Variants in GRB10 observed in about 807,000 individuals in gnomAD.
GRB10 encodes growth factor receptor bound protein 10, also known as growth factor receptor-bound protein 10.
GRB10 carries 20 observed loss-of-function variants against 80.9 expected under a neutral mutation model. The observed-to-expected ratio is 0.25, with a 90% CI of 0.17 to 0.36. The LOEUF (loss-of-function observed/expected upper bound fraction) is 0.36, where lower values mean the gene tolerates loss of function less well. Among genes scored for constraint, GRB10 ranks in the 10% least tolerant of loss-of-function variants. GRB10 has a pLI of 1.00. For missense variants in GRB10, 548 were observed against 747.7 expected, an observed-to-expected ratio of 0.73 and a Z score of 3.12; for synonymous variants, 291 against 291.5, an observed-to-expected ratio of 1.00 and a Z score of 0.02.
At chr7:50,775,176 A>AAAAAAAAC (rs2077480711) in intron 2 of GRB10, among the ~76,000 whole-genome samples, 1 of 148,708 alleles carries the variant, frequency 6.7e-6, no homozygotes, top group African/African-American at 2.5e-5. Context: ...AAAAAAAACA[A>AAAAAAAAC]AAAAAAACAG....
At chr7:50,688,795 G>C (rs774571605) in intron 5 of GRB10, among the ~76,000 whole-genome samples, 5 of 152,060 alleles carry the variant, frequency 3.3e-5, no homozygotes, top group Non-Finnish European at 5.9e-5. Context: ...GGGTGAGGGG[G>C]GGCAGAGGTG....
intron 2 of GRB10, among the ~76,000 whole-genome samples, chr7:50,780,389 A>G (rs7794164): frequency 0.82 from 125,408 of 152,076 alleles, 51,772 homozygotes; most frequent in Middle Eastern, 0.91. Context: ...GGTCCACAGG[A>G]CTCATACTGC....
chr7:50,677,614 C>A (rs945927490), intron 5 of GRB10, among the ~76,000 whole-genome samples: 2 of 152,228 alleles, frequency 1.3e-5, no homozygotes, highest in African/African-American at 2.4e-5. Flanking sequence ...GCATCACGCA[C>A]CCACTCATCT....
At chr7:50,711,953 C>G (rs1227107122) in intron 4 of GRB10, among the ~76,000 whole-genome samples, 1 of 152,154 alleles carries the variant, frequency 6.6e-6, no homozygotes, top group Non-Finnish European at 1.5e-5. Context: ...CCCAGCGAAT[C>G]ACATCTCGTA....
intron 7 of GRB10, among the ~76,000 whole-genome samples, chr7:50,658,764 ACATAAGATTC>A (rs1301389611): frequency 3.0e-4 from 46 of 152,364 alleles, no homozygotes; most frequent in African/African-American, 1.1e-3. Context: ...TTGGGATTTC[ACATAAGATTC>A]CTGCACTGAT....
intron 4 of GRB10, among the ~76,000 whole-genome samples, chr7:50,716,731 C>T (rs1192031318): frequency 6.6e-6 from 1 of 152,202 alleles, no homozygotes; most frequent in Non-Finnish European, 1.5e-5. Flanking sequence ...CTTCTCTCCC[C>T]TCCCTCCATC....
chr7:50,768,535 C>T (rs1193243705), intron 2 of GRB10, among the ~76,000 whole-genome samples: 3 of 152,192 alleles, frequency 2.0e-5, no homozygotes, highest in Admixed American at 1.3e-4. Flanking sequence ...ACTCAGTACA[C>T]ACTTACCATG....
intron 2 of GRB10, among the ~76,000 whole-genome samples, chr7:50,759,427 C>A (rs142400700): frequency 5.3e-5 from 8 of 152,040 alleles, no homozygotes; most frequent in African/African-American, 1.2e-4. Context: ...TTCCAGGACA[C>A]CAGAGACACC....
At chr7:50,784,489 T>G (rs1458039744), upstream of GRB10, among the ~76,000 whole-genome samples, 1 of 152,172 alleles carries the variant, frequency 6.6e-6, no homozygotes. Flanking sequence ...CCACGCACCC[T>G]GCCATCTCCT....
At chr7:50,640,886 C>G (rs573261350) in intron 7 of GRB10, among the ~76,000 whole-genome samples, 2 of 152,142 alleles carry the variant, frequency 1.3e-5, no homozygotes, top group South Asian at 4.2e-4. Flanking sequence ...CAGGGGAGGG[C>G]CTCTGTGGCC....
At chr7:50,660,094 C>T (rs1295605601) in intron 7 of GRB10, among the ~76,000 whole-genome samples, 1 of 152,160 alleles carries the variant, frequency 6.6e-6, no homozygotes, top group African/African-American at 2.4e-5. Context: ...GCAGTGATCA[C>T]GTGGCAAAGG....
chr7:50,775,183 A>AAAAAAAAAAAAAC (rs2077486672), intron 2 of GRB10, among the ~76,000 whole-genome samples: 1 of 147,488 alleles, frequency 6.8e-6, no homozygotes, highest in African/African-American at 2.5e-5. Context: ...ACAAAAAAAA[A>AAAAAAAAAAAAAC]CAGTGGAACA....
At chr7:50,693,319 A>G (rs2063050063) in intron 5 of GRB10, among the ~76,000 whole-genome samples, 1 of 152,154 alleles carries the variant, frequency 6.6e-6, no homozygotes, top group African/African-American at 2.4e-5. Context: ...CTCCACTAAG[A>G]AATTGGTGCT....
intron 7 of GRB10, among the ~76,000 whole-genome samples, chr7:50,635,941 C>CTTTTTT (rs55836738): frequency 1.1e-5 from 1 of 94,870 alleles, no homozygotes; most frequent in African/African-American, 4.2e-5. Context: ...GGATCCACAG[C>CTTTTTT]TTTTTTTTTT....
chr7:50,772,245 C>G (rs1361519039), intron 2 of GRB10, among the ~76,000 whole-genome samples: 1 of 152,170 alleles, frequency 6.6e-6, no homozygotes, highest in African/African-American at 2.4e-5. Context: ...AAAATGGCCA[C>G]TAGGTCTGGA....
chr7:50,666,111 C>T (rs981764774), intron 7 of GRB10, among the ~76,000 whole-genome samples: 4 of 152,194 alleles, frequency 2.6e-5, no homozygotes, highest in Non-Finnish European at 5.9e-5. Flanking sequence ...TGGGGAAGAC[C>T]TCCCTGTCCT....
At chr7:50,752,695 G>A (rs756880025) in intron 3 of GRB10, among the ~76,000 whole-genome samples, 16 of 152,134 alleles carry the variant, frequency 1.1e-4, no homozygotes, top group Non-Finnish European at 1.9e-4. Flanking sequence ...CTGTACCATC[G>A]CAGCTGGGCC....
intron 2 of GRB10, among the ~76,000 whole-genome samples, chr7:50,774,325 AATGT>A (rs2077354470): frequency 1.3e-5 from 2 of 152,206 alleles, no homozygotes; most frequent in Non-Finnish European, 2.9e-5. Context: ...CACTATATAC[AATGT>A]ATGTGTGTGT....
intron 4 of GRB10, among the ~76,000 whole-genome samples, chr7:50,711,855 T>G (rs907127067): frequency 6.6e-6 from 1 of 152,210 alleles, no homozygotes; most frequent in African/African-American, 2.4e-5. Context: ...CTAGACAGTT[T>G]ACACACATTC....
Sources: gnomAD v4.1 joint callset for allele counts (sites outside exome capture counted in the v4.1 genomes callset) on GRCh38, gnomAD v4.1.1 for gene constraint, MANE v1.5 for transcripts, NCBI Gene and HGNC (gene_info 2026-07-23, HGNC 2026-07-21) for gene names.